The following CD24 variants were observed in gnomAD, a reference collection of about 807,000 sequenced individuals.
CD24 encodes the protein CD24 molecule, also known as signal transducer CD24.
A neutral mutation model predicts 3.6 loss-of-function variants in CD24; 2 were observed. The observed-to-expected ratio is 0.56, with a 90% CI of 0.23 to 1.77. CD24 has a LOEUF of 1.77. Ranked by LOEUF, CD24 falls within the 40% of genes most tolerant of loss-of-function variation. The pLI is 0.18. For missense variants in CD24, 62 were observed against 93.6 expected, an observed-to-expected ratio of 0.66 and a Z score of 1.39; for synonymous variants, 33 against 44.9, an observed-to-expected ratio of 0.74 and a Z score of 1.06.
rs1242901737 is a variant in CD24 at position 106,970,141 on chromosome 6, C to T, written c.*1520G>A. On this transcript the variant is annotated 3_prime_UTR_variant, in exon 2 of 2. Coordinates refer to ENST00000606017, the MANE Select transcript of CD24 (RefSeq NM_001359084.1). Reference sequence around the variant, plus strand: ...GTGTGACCATGCGAACAAAAGACTTCGGGGAGTGTCTATTTTTAAAAAGGT... The same window carrying T: ...GTGTGACCATGCGAACAAAAGACTTTGGGGAGTGTCTATTTTTAAAAAGGT... The T allele has an allele frequency of 1.6e-4, 25 of 152,396 alleles. No homozygotes were observed. Among genetic ancestry groups the T allele is most frequent in the Admixed American group, 1.0e-3 (16 of 15,268 alleles). 9.4% of individuals were successfully genotyped at this position (152,396 alleles called of 1,614,324 possible).
At chr6:106,974,922 G>C (rs1773070718), upstream of CD24, among the ~76,000 whole-genome samples, 1 of 147,536 alleles carries the variant, frequency 6.8e-6, no homozygotes, top group East Asian at 2.0e-4. Flanking sequence ...TCGCGGGCCG[G>C]GAGCCCCCCG....
At chr6:106,974,529 C>A in intron 1 of CD24, 49 bp downstream of exon 1, 1 of 1,174,498 alleles carries the variant, frequency 8.5e-7, no homozygotes, top group South Asian at 1.7e-5. Flanking sequence ...TCTCCCCTGC[C>A]CCCACCCCGG....
chr6:106,974,537 C>T (rs1250770965), intron 1 of CD24, 41 bp downstream of exon 1: 4 of 1,279,438 alleles, frequency 3.1e-6, no homozygotes, highest in Non-Finnish European at 4.1e-6. Flanking sequence ...GCCCCCACCC[C>T]GGGAACGGCC....
At chr6:106,971,897 A>C in intron 1 of CD24, 63 bp from the exon 2 acceptor site, 145 of 1,066,272 alleles carry the variant, frequency 1.4e-4, no homozygotes, top group Middle Eastern at 2.9e-4. Context: ...ATGTACTCTC[A>C]TATAAAATTA....
intron 1 of CD24, 54 bp from the exon 2 acceptor site, chr6:106,971,888 T>C (rs3805401): frequency 0.5 from 594,555 of 1,177,630 alleles, 152,962 homozygotes; most frequent in African/African-American, 0.74. Flanking sequence ...GCTACCTCCA[T>C]GTACTCTCAT....
At position 106,970,784 on chromosome 6, in the gene CD24, C is replaced by A. The variant is rs1444422160; in HGVS notation, c.*877G>T. 1 of 152,154 alleles carries A rather than the reference C, an allele frequency of 6.6e-6. No individual in the cohort carries two copies. Among genetic ancestry groups the A allele is most frequent in the Non-Finnish European group, 1.5e-5 (1 of 68,050 alleles). 9.4% of individuals were successfully genotyped at this position (152,154 alleles called of 1,614,324 possible). A position where few individuals can be genotyped will look rare whatever the true frequency, so the allele number is the denominator to read the frequency against. ...CTGAGATCGCACCACTGCACTCCGGCCTGGGCGACAAAGTGAGACTGTCTA... is the reference window on the plus strand; with the variant it reads ...CTGAGATCGCACCACTGCACTCCGGACTGGGCGACAAAGTGAGACTGTCTA... On this transcript the variant is annotated 3_prime_UTR_variant, in exon 2 of 2. Transcript: ENST00000606017.
intron 1 of CD24, 45 bp downstream of exon 1, chr6:106,974,533 A>G: frequency 8.2e-7 from 1 of 1,224,848 alleles, no homozygotes; most frequent in Non-Finnish European, 1.1e-6. Context: ...CCCTGCCCCC[A>G]CCCCGGGAAC....
rs935936171 is a variant in CD24 at position 106,974,539 on chromosome 6, G to T, written c.69+39C>A. On this transcript the variant is annotated intron_variant, in intron 1 of 1. Coordinates refer to ENST00000606017, the MANE Select transcript of CD24 (RefSeq NM_001359084.1). Reference sequence around the variant, plus strand: ...GTCCATCTCCCCTGCCCCCACCCCGGGAACGGCCCTCGAGCCCCGCCGGGC... The same window carrying T: ...GTCCATCTCCCCTGCCCCCACCCCGTGAACGGCCCTCGAGCCCCGCCGGGC... 1.5e-3 allele frequency: 1,987 copies of T among 1,295,972 alleles called. 34 individuals are homozygous for T. The African/African-American group carries it at 0.028, about 19-fold the overall frequency. The allele number at this position is 1,295,972 out of a possible 1,614,324, so 80.3% of individuals were successfully genotyped here.
In CD24 at chr6:106,971,572, T is replaced by G; in HGVS notation, c.*89A>C. 3 of 998,014 alleles carry G rather than the reference T, an allele frequency of 3.0e-6. No individual in the cohort carries two copies. Among genetic ancestry groups the G allele is most frequent in the Non-Finnish European group, 4.4e-6 (3 of 677,584 alleles). 61.8% of individuals were successfully genotyped at this position (998,014 alleles called of 1,614,324 possible). ...ATTAGTAGATTCGATGAAGACCTGTTTTTCCTTGCCACATTGGACTTCCAG... is the reference window on the plus strand; with the variant it reads ...ATTAGTAGATTCGATGAAGACCTGTGTTTCCTTGCCACATTGGACTTCCAG... On this transcript the variant is annotated 3_prime_UTR_variant, in exon 2 of 2. Coordinates refer to ENST00000606017, the MANE Select transcript of CD24 (RefSeq NM_001359084.1).
At chr6:106,973,988 G>A (rs1773039189) in intron 1 of CD24, 1 of 398,008 alleles carries the variant, frequency 2.5e-6, no homozygotes, top group Non-Finnish European at 4.4e-6. Flanking sequence ...CGCAGCGTCA[G>A]GAGAGGGTCC....
At chr6:106,974,778 T>C (rs1445120008), upstream of CD24, 111 of 887,928 alleles carry the variant, frequency 1.3e-4, no homozygotes, top group East Asian at 1.4e-3. Flanking sequence ...AAAGCCACAA[T>C]AGCCGTGACG....
At chr6:106,971,992 C>T (rs937804852) in intron 1 of CD24, among the ~76,000 whole-genome samples, 158 bp from the exon 2 acceptor site, 1 of 152,200 alleles carries the variant, frequency 6.6e-6, no homozygotes, top group South Asian at 2.1e-4. Context: ...GCTCAACCCA[C>T]CAAGGTCATT....
At chr6:106,976,081 T>TA (rs1773104384), upstream of CD24, among the ~76,000 whole-genome samples, 1 of 152,234 alleles carries the variant, frequency 6.6e-6, no homozygotes, top group African/African-American at 2.4e-5. Flanking sequence ...TTGCAAGACT[T>TA]AATCTTTTTA....
At chr6:106,973,173 T>C (rs1752842725) in intron 1 of CD24, among the ~76,000 whole-genome samples, 2 of 152,172 alleles carry the variant, frequency 1.3e-5, no homozygotes, top group South Asian at 2.1e-4. Context: ...GCAGGTGATG[T>C]TTTCTTTTTA....
At chr6:106,974,285 C>T (rs1773048650) in intron 1 of CD24, among the ~76,000 whole-genome samples, 2 of 152,244 alleles carry the variant, frequency 1.3e-5, no homozygotes, top group African/African-American at 4.8e-5. Flanking sequence ...GAAGTAGTCA[C>T]CTGGCTGCCT....
intron 1 of CD24, among the ~76,000 whole-genome samples, chr6:106,972,579 T>G (rs879062305): frequency 0.57 from 86,162 of 152,026 alleles, 25,412 homozygotes; most frequent in African/African-American, 0.74. Flanking sequence ...GCCAAGCTCA[T>G]TGCTGTGGCC....
chr6:106,974,401 G>A (rs1441585964), intron 1 of CD24, among the ~76,000 whole-genome samples, 177 bp downstream of exon 1: 7 of 152,172 alleles, frequency 4.6e-5, no homozygotes, highest in African/African-American at 1.7e-4. Flanking sequence ...GCACGCAAGG[G>A]AATGGAAAAA....
intron 1 of CD24, 80 bp from the exon 2 acceptor site, chr6:106,971,914 G>T: frequency 6.4e-6 from 6 of 943,188 alleles, no homozygotes; most frequent in East Asian, 2.7e-5. Flanking sequence ...ATTAAAGTAG[G>T]TGATATATTC....
upstream of CD24, among the ~76,000 whole-genome samples, chr6:106,976,091 A>G (rs1773104536): frequency 6.6e-6 from 1 of 152,202 alleles, no homozygotes; most frequent in African/African-American, 2.4e-5. Flanking sequence ...TAATCTTTTT[A>G]TTGAAGGTTT....
Sources: allele counts gnomAD v4.1 joint callset (sites outside exome capture counted in the v4.1 genomes callset), GRCh38; gene constraint gnomAD v4.1.1; transcripts MANE v1.5; gene names NCBI Gene and HGNC (gene_info 2026-07-23, HGNC 2026-07-21).